ATF7IP2: variants seen among roughly 807,000 people sequenced by gnomAD.
The protein encoded by ATF7IP2 is activating transcription factor 7 interacting protein 2, also known as activating transcription factor 7-interacting protein 2.
In ATF7IP2, 42 loss-of-function variants were observed where a neutral mutation model predicts 64.2. That is an observed-to-expected ratio of 0.65 (90% CI 0.51 to 0.85). The LOEUF (loss-of-function observed/expected upper bound fraction) is 0.85. Among genes scored for constraint, ATF7IP2 ranks in the 40% least tolerant of loss-of-function variants. ATF7IP2 has a pLI of 0.00. For synonymous variants in ATF7IP2, 308 were observed against 272.8 expected, an observed-to-expected ratio of 1.13 and a Z score of -1.27; for missense variants, 933 against 784.2, an observed-to-expected ratio of 1.19 and a Z score of -2.27.
chr16:10,387,996 G>A (rs1230077800), intron 1 of ATF7IP2, among the ~76,000 whole-genome samples: 1 of 151,898 alleles, frequency 6.6e-6, no homozygotes, highest in Non-Finnish European at 1.5e-5. Context: ...TCCTCCCTCC[G>A]GGTTCAAGTG....
intron 8 of ATF7IP2, among the ~76,000 whole-genome samples, chr16:10,445,044 G>T (rs1339268994): frequency 6.6e-6 from 1 of 152,168 alleles, no homozygotes; most frequent in Non-Finnish European, 1.5e-5. Flanking sequence ...CCCGCAAGTG[G>T]TGATTTTTTT....
intron 7 of ATF7IP2, among the ~76,000 whole-genome samples, chr16:10,439,402 A>G (rs1272458321): frequency 1.3e-5 from 2 of 151,226 alleles, no homozygotes; most frequent in East Asian, 4.0e-4. Flanking sequence ...TGCCCGGCTA[A>G]TTTTTTGTAT....
rs1253940757 is a variant in ATF7IP2 at position 10,457,464 on chromosome 16, C to A, written c.1287C>A (p.Asn429Lys). The A allele has an allele frequency of 1.2e-6, 2 of 1,600,044 alleles. No individual in the cohort carries two copies. The highest frequency in any genetic ancestry group is 1.7e-6 in the Non-Finnish European group (2 of 1,175,152). Residue 429 changes from asparagine to lysine, a missense_variant, in exon 9 of 14, where the codon AAC becomes AAA. Asn to Lys is a moderately conservative substitution (Grantham distance 94). Transcript: ENST00000562102. ...CTTCTGTGAATTATGAGCCTTCTAA[C>A]CCTTCCGAAAAAGGAAGTAAAAAAA... is the stretch of plus-strand genomic sequence containing the variant. Reference protein sequence around the residue: ...EKSSVNYEPSNPSEKGSKKIN... With the variant: ...EKSSVNYEPSKPSEKGSKKIN...
At chr16:10,435,163 C>G (rs192276867) in intron 6 of ATF7IP2, among the ~76,000 whole-genome samples, 21 of 152,330 alleles carry the variant, frequency 1.4e-4, no homozygotes, top group African/African-American at 3.8e-4. Context: ...TCAACCATAT[C>G]TAGATGTTTA....
chr16:10,450,271 C>T (rs991885720), intron 8 of ATF7IP2, among the ~76,000 whole-genome samples: 1 of 152,134 alleles, frequency 6.6e-6, no homozygotes, highest in African/African-American at 2.4e-5. Context: ...TGATGAGGTG[C>T]TGAGAAGAAT....
chr16:10,436,401 T>A (rs935404406), intron 6 of ATF7IP2, among the ~76,000 whole-genome samples: 6 of 151,662 alleles, frequency 4.0e-5, no homozygotes, highest in East Asian at 1.9e-4. Context: ...CTTTTTTTTT[T>A]AAATAATACA....
chr16:10,454,364 T>C (rs1361393472), intron 8 of ATF7IP2: 1 of 130,518 alleles, frequency 7.7e-6, no homozygotes, highest in Non-Finnish European at 1.6e-5. Context: ...GAGCCAAGAT[T>C]GTGCCACTGT....
intron 1 of ATF7IP2, among the ~76,000 whole-genome samples, chr16:10,399,298 A>G (rs984723993): frequency 2.0e-5 from 3 of 152,236 alleles, no homozygotes; most frequent in African/African-American, 7.2e-5. Flanking sequence ...TGAAAATTGC[A>G]GCTGGCTTGG....
intron 12 of ATF7IP2, among the ~76,000 whole-genome samples, chr16:10,477,736 A>G (rs937180082): frequency 3.9e-5 from 6 of 152,114 alleles, no homozygotes; most frequent in African/African-American, 9.7e-5. Context: ...ACATGATTGT[A>G]TATCTAGAAA....
At chr16:10,416,354 A>G (rs920737133) in intron 2 of ATF7IP2, among the ~76,000 whole-genome samples, 1 of 152,250 alleles carries the variant, frequency 6.6e-6, no homozygotes, top group Non-Finnish European at 1.5e-5. Context: ...AGGCACAGAA[A>G]GGCACACTTA....
intron 9 of ATF7IP2, among the ~76,000 whole-genome samples, chr16:10,458,991 G>A (rs1403819964): frequency 6.6e-6 from 1 of 151,134 alleles, no homozygotes; most frequent in Non-Finnish European, 1.5e-5. Flanking sequence ...TTTGAGACCA[G>A]CCTGACCAAC....
At chr16:10,453,508 G>A (rs1050510744) in intron 8 of ATF7IP2, among the ~76,000 whole-genome samples, 1 of 152,220 alleles carries the variant, frequency 6.6e-6, no homozygotes, top group African/African-American at 2.4e-5. Flanking sequence ...GGGAGCTGCA[G>A]ACCGGAGCTG....
chr16:10,410,171 C>T (rs1033341642), intron 1 of ATF7IP2, among the ~76,000 whole-genome samples: 20 of 152,132 alleles, frequency 1.3e-4, no homozygotes, highest in African/African-American at 4.6e-4. Context: ...GCAGTGTGGT[C>T]ATTTTCACAG....
At chr16:10,471,993 T>C (rs2049817831) in intron 9 of ATF7IP2, 117 bp from the exon 10 acceptor site, 1 of 465,504 alleles carries the variant, frequency 2.1e-6, no homozygotes, top group South Asian at 4.7e-5. Context: ...CCCCCCACGA[T>C]TGTTCAATTA....
At chr16:10,399,667 T>G (rs931785663) in intron 1 of ATF7IP2, among the ~76,000 whole-genome samples, 2 of 152,272 alleles carry the variant, frequency 1.3e-5, no homozygotes, top group African/African-American at 4.8e-5. Context: ...GCTTTGGCTA[T>G]TTGGGCTCTC....
intron 9 of ATF7IP2, among the ~76,000 whole-genome samples, chr16:10,471,744 T>C (rs1233512425): frequency 6.6e-6 from 1 of 152,278 alleles, no homozygotes; most frequent in South Asian, 2.1e-4. Context: ...TGGGTCTTAA[T>C]AGATTTCCTT....
intron 8 of ATF7IP2, chr16:10,449,135 C>A (rs1235019918): frequency 6.6e-6 from 1 of 152,268 alleles, no homozygotes; most frequent in South Asian, 2.1e-4. Flanking sequence ...GTATGTTGAA[C>A]CAGCCCTGCA....
At chr16:10,472,769 T>C (rs1377445150) in intron 10 of ATF7IP2, among the ~76,000 whole-genome samples, 1 of 151,738 alleles carries the variant, frequency 6.6e-6, no homozygotes, top group Non-Finnish European at 1.5e-5. Context: ...GGCAGGAGAA[T>C]TGCTTGAACC....
intron 7 of ATF7IP2, among the ~76,000 whole-genome samples, chr16:10,439,826 G>A (rs1301947640): frequency 6.6e-6 from 1 of 151,450 alleles, no homozygotes; most frequent in East Asian, 2.0e-4. Context: ...GAGCCACTGC[G>A]CCCGGCCGAA....
Sources: gnomAD v4.1 joint callset for allele counts (sites outside exome capture counted in the v4.1 genomes callset) on GRCh38, gnomAD v4.1.1 for gene constraint, MANE v1.5 for transcripts, NCBI Gene and HGNC (gene_info 2026-07-23, HGNC 2026-07-21) for gene names.